RBFOX1: variants seen among roughly 807,000 people sequenced by gnomAD.
RBFOX1 encodes RNA binding protein fox-1 homolog 1.
Under a neutral mutation model 57.7 loss-of-function variants are expected in RBFOX1, and 8 were observed. That is an observed-to-expected ratio of 0.14 (90% confidence interval 0.08 to 0.25). The LOEUF is 0.25. Among genes scored for constraint, RBFOX1 ranks in the 10% least tolerant of loss-of-function variants. RBFOX1 has a pLI of 1.00. For synonymous variants in RBFOX1, 326 were observed against 222.4 expected (o/e 1.47, Z -4.15); for missense variants, 611 against 548.5 (o/e 1.11, Z -1.14).
chr16:6,970,870 T>C (rs996671959), intron 3 of RBFOX1, among the ~76,000 whole-genome samples: 1 of 152,160 alleles, frequency 6.6e-6, no homozygotes, highest in African/African-American at 2.4e-5. Context: ...GCTGTGCTAG[T>C]AAGAGACAAC....
Position 6,929,940 on chromosome 16 carries a change from A to T in RBFOX1, c.-15-122117A>T, listed in dbSNP as rs527268347. On this transcript the variant is annotated intron_variant, in intron 3 of 15. Transcript: ENST00000550418. ...GGAAAACATCCACTATGCATTCCTT[A>T]CCCCATAGTTCGTCAGGAATCAGAA... Among the ~76,000 whole-genome samples, 11 of 152,302 alleles carry T rather than the reference A, an allele frequency of 7.2e-5. No homozygotes were observed. The South Asian group carries it at 2.3e-3, about 32-fold the overall frequency.
At chr16:7,077,109 G>T (rs992695912) in intron 4 of RBFOX1, among the ~76,000 whole-genome samples, 1 of 152,126 alleles carries the variant, frequency 6.6e-6, no homozygotes, top group African/African-American at 2.4e-5. Flanking sequence ...ATAATTTTCT[G>T]CCCAGAAATC....
At chr16:5,526,582 C>G (rs930394900) in intron 2 of RBFOX1, among the ~76,000 whole-genome samples, 2 of 152,192 alleles carry the variant, frequency 1.3e-5, no homozygotes, top group East Asian at 3.9e-4. Flanking sequence ...AGCCACCACA[C>G]CTGGCTTCCA....
At chr16:5,895,021 T>TAA (rs35125833) in intron 4 of RBFOX1, among the ~76,000 whole-genome samples, 28 of 151,072 alleles carry the variant, frequency 1.9e-4, no homozygotes, top group Admixed American at 2.6e-4. Flanking sequence ...AGACTCCGTC[T>TAA]AAAAAAAAAT....
chr16:7,158,254 G>A (rs1324070556), intron 4 of RBFOX1, among the ~76,000 whole-genome samples: 1 of 152,084 alleles, frequency 6.6e-6, no homozygotes, highest in Non-Finnish European at 1.5e-5. Context: ...GCTGAGGCAG[G>A]AGAATCACTT....
chr16:7,187,290 T>C (rs915321221), intron 4 of RBFOX1, among the ~76,000 whole-genome samples: 4 of 152,216 alleles, frequency 2.6e-5, no homozygotes, highest in Non-Finnish European at 4.4e-5. Context: ...AAAGTAATTT[T>C]TTCTTAAAGT....
intron 3 of RBFOX1, among the ~76,000 whole-genome samples, chr16:6,738,774 T>C (rs527552710): frequency 6.6e-6 from 1 of 152,060 alleles, no homozygotes; most frequent in Non-Finnish European, 1.5e-5. Context: ...GACAGTGAAA[T>C]CTTGGGGTGT....
chr16:7,278,675 A>T (rs1414319814), intron 4 of RBFOX1, among the ~76,000 whole-genome samples: 3 of 152,212 alleles, frequency 2.0e-5, no homozygotes, highest in Non-Finnish European at 4.4e-5. Context: ...GTCTGAAGGA[A>T]TTTTATTTTT....
At chr16:5,347,646 A>C in intron 1 of RBFOX1, among the ~76,000 whole-genome samples, 1 of 135,774 alleles carries the variant, frequency 7.4e-6, no homozygotes, top group African/African-American at 2.8e-5. Flanking sequence ...CCACCCATCT[A>C]CCCATCTACC....
chr16:6,442,574 A>G (rs1021802648), intron 2 of RBFOX1, among the ~76,000 whole-genome samples: 4 of 151,710 alleles, frequency 2.6e-5, no homozygotes, highest in Non-Finnish European at 4.4e-5. Context: ...AAGAAAAGAA[A>G]AAAAAAGAAA....
rs1320693146 is a variant in RBFOX1, at chr16:6,822,584, A to G, written c.-16+167934A>G. ...ACAGTGAGCTCTTCGCCGTGCTTGC[A>G]TTTTATTTCCCATCACAATCTAAGT... On this transcript the variant is annotated intron_variant, in intron 3 of 15. Transcript: ENST00000550418. Among the ~76,000 whole-genome samples the G allele has an allele frequency of 3.9e-5, 6 of 152,224 alleles. No individual in the cohort carries two copies. The East Asian group carries it at 5.8e-4, about 15-fold the overall frequency.
intron 4 of RBFOX1, among the ~76,000 whole-genome samples, chr16:7,298,515 C>T (rs941265060): frequency 6.6e-6 from 1 of 152,150 alleles, no homozygotes; most frequent in Admixed American, 6.5e-5. Flanking sequence ...TCATCTTGAA[C>T]TCCTGTCCTT....
intron 1 of RBFOX1, among the ~76,000 whole-genome samples, chr16:6,269,368 G>C (rs2074935693): frequency 6.6e-6 from 1 of 152,128 alleles, no homozygotes; most frequent in Admixed American, 6.5e-5. Context: ...AGGGCTGACT[G>C]GATATAGTTT....
chr16:5,262,929 A>G (rs2062770149), intron 1 of RBFOX1, among the ~76,000 whole-genome samples: 1 of 152,136 alleles, frequency 6.6e-6, no homozygotes, highest in Non-Finnish European at 1.5e-5. Context: ...CACTGGGGAC[A>G]TGGGTTGGAG....
At chr16:6,534,133 GA>G (rs2096703277) in intron 2 of RBFOX1, among the ~76,000 whole-genome samples, 1 of 151,796 alleles carries the variant, frequency 6.6e-6, no homozygotes, top group African/African-American at 2.4e-5. Context: ...GGCAAAAGAA[GA>G]AAAAAGGGAA....
At chr16:6,243,588 C>T (rs1036411938) in intron 1 of RBFOX1, among the ~76,000 whole-genome samples, 1 of 152,154 alleles carries the variant, frequency 6.6e-6, no homozygotes, top group Non-Finnish European at 1.5e-5. Context: ...TAATCATGGT[C>T]CGTATAGACT....
chr16:6,521,035 T>C (rs149804827), intron 2 of RBFOX1, among the ~76,000 whole-genome samples: 64 of 152,278 alleles, frequency 4.2e-4, no homozygotes, highest in African/African-American at 1.5e-3. Context: ...AAAACCTTTT[T>C]ACAATGTTTA....
chr16:7,102,860 C>T lies in RBFOX1; in HGVS notation c.27+50762C>T, dbSNP rs140918927. ...ACAGCCTAATTTCAAAAGAATTTTT[C>T]AAATCCAAAACGCATGCACTTCAAT... is the stretch of plus-strand genomic sequence containing the variant. On this transcript the variant is annotated intron_variant, in intron 4 of 15. Transcript: ENST00000550418. Among the ~76,000 whole-genome samples, 1,469 of 152,110 alleles carry T rather than the reference C, an allele frequency of 9.7e-3. 13 individuals are homozygous for T. Among genetic ancestry groups the T allele is most frequent in the Non-Finnish European group, 0.013 (851 of 67,976 alleles).
At chr16:5,735,026 A>G (rs9927851) in intron 3 of RBFOX1, among the ~76,000 whole-genome samples, 14,010 of 152,244 alleles carry the variant, frequency 0.092, 1,596 homozygotes, top group African/African-American at 0.27. Context: ...AAGATACACC[A>G]TGAGAGAAGT....
Sources: gnomAD v4.1 joint callset for allele counts (sites outside exome capture counted in the v4.1 genomes callset) on GRCh38, gnomAD v4.1.1 for gene constraint, MANE v1.5 for transcripts, NCBI Gene and HGNC (gene_info 2026-07-23, HGNC 2026-07-21) for gene names.